VAT1L: variants seen among roughly 807,000 people sequenced by gnomAD.
VAT1L encodes the protein putative NADPH-dependent quinone oxidoreductase VAT1L.
A neutral mutation model predicts 44.1 loss-of-function variants in VAT1L; 34 were observed. The observed-to-expected ratio is 0.77, with a 90% CI of 0.59 to 1.03. The LOEUF (loss-of-function observed/expected upper bound fraction) is 1.03. Ranked by LOEUF, VAT1L falls within the 50% of genes least tolerant of loss-of-function variation. The pLI, the probability that VAT1L is intolerant of heterozygous loss-of-function variation, is 0.00. For missense variants in VAT1L, 615 were observed against 538.8 expected (o/e 1.14, Z -1.40); for synonymous variants, 253 against 202.2 (o/e 1.25, Z -2.13).
intron 3 of VAT1L, among the ~76,000 whole-genome samples, chr16:77,840,392 C>A (rs539586189): frequency 6.6e-6 from 1 of 152,176 alleles, no homozygotes; most frequent in Non-Finnish European, 1.5e-5. Flanking sequence ...TATGCTGGCC[C>A]AGCTGGTGGA....
intron 3 of VAT1L, among the ~76,000 whole-genome samples, chr16:77,851,169 C>G (rs140224311): frequency 6.6e-6 from 1 of 152,190 alleles, no homozygotes; most frequent in African/African-American, 2.4e-5. Flanking sequence ...GATACTAGCC[C>G]GTCTTTCTAA....
intron 7 of VAT1L, among the ~76,000 whole-genome samples, chr16:77,946,279 CTTTTT>C (rs66461822): frequency 0.18 from 12,953 of 70,518 alleles, 935 homozygotes; most frequent in Middle Eastern, 0.36. Flanking sequence ...GTTACTTGTT[CTTTTT>C]TTTTTTTTTT....
intron 7 of VAT1L, among the ~76,000 whole-genome samples, chr16:77,942,128 A>G (rs1863828142): frequency 6.6e-6 from 1 of 152,206 alleles, no homozygotes; most frequent in Non-Finnish European, 1.5e-5. Flanking sequence ...TAATTTACAA[A>G]GAAAAAAGAA....
At chr16:77,876,287 C>T (rs2017086152) in intron 4 of VAT1L, 83 bp from the exon 5 acceptor site, 1 of 1,236,888 alleles carries the variant, frequency 8.1e-7, no homozygotes, top group Admixed American at 1.7e-5. Flanking sequence ...GAGAGTCAGA[C>T]AATATGACAC....
chr16:77,830,816 T>C (rs1037494067), intron 3 of VAT1L, among the ~76,000 whole-genome samples: 3 of 152,222 alleles, frequency 2.0e-5, no homozygotes, highest in South Asian at 4.1e-4. Flanking sequence ...CCTGAGTAGC[T>C]GGGATTACAG....
chr16:77,963,029 T>C (rs1425625410), intron 7 of VAT1L, among the ~76,000 whole-genome samples: 1 of 152,202 alleles, frequency 6.6e-6, no homozygotes, highest in African/African-American at 2.4e-5. Context: ...TAGAGGGCGC[T>C]GGATCCTCAA....
chr16:77,790,744 AG>A (rs1174627359), intron 1 of VAT1L, among the ~76,000 whole-genome samples: 7 of 152,188 alleles, frequency 4.6e-5, no homozygotes, highest in Non-Finnish European at 1.5e-5. Flanking sequence ...GTACATATTC[AG>A]AGAGGGAAAA....
chr16:77,837,991 C>T (rs2016658870), intron 3 of VAT1L, among the ~76,000 whole-genome samples: 1 of 152,186 alleles, frequency 6.6e-6, no homozygotes, highest in South Asian at 2.1e-4. Context: ...GAGCGAGGGG[C>T]AAAGAAAGCC....
chr16:77,933,803 G>A (rs911925020), intron 7 of VAT1L, among the ~76,000 whole-genome samples: 4 of 152,160 alleles, frequency 2.6e-5, no homozygotes, highest in African/African-American at 7.2e-5. Context: ...AGGAAGTGAA[G>A]GGGACAACAG....
At chr16:77,967,240 A>G (rs2018232986) in intron 7 of VAT1L, among the ~76,000 whole-genome samples, 1 of 152,174 alleles carries the variant, frequency 6.6e-6, no homozygotes, top group Non-Finnish European at 1.5e-5. Flanking sequence ...CACCAGAGGC[A>G]AGAACCTTGG....
intron 6 of VAT1L, among the ~76,000 whole-genome samples, chr16:77,880,561 C>CTTT (rs1258221089): frequency 1.5e-5 from 1 of 66,520 alleles, no homozygotes; most frequent in East Asian, 4.3e-4. Context: ...GCCCATGTTG[C>CTTT]TTTTTTTTTT....
intron 7 of VAT1L, among the ~76,000 whole-genome samples, chr16:77,930,112 T>G (rs1381201132): frequency 6.6e-6 from 1 of 152,200 alleles, no homozygotes; most frequent in Non-Finnish European, 1.5e-5. Flanking sequence ...GTATCCTTCT[T>G]GAAACAAACC....
At chr16:77,827,142 A>T (rs1247913973) in intron 3 of VAT1L, among the ~76,000 whole-genome samples, 1 of 152,242 alleles carries the variant, frequency 6.6e-6, no homozygotes, top group African/African-American at 2.4e-5. Context: ...GAATAAAGAC[A>T]TATAAAAGCT....
At chr16:77,807,428 C>G (rs7196182) in intron 1 of VAT1L, among the ~76,000 whole-genome samples, 27,591 of 152,152 alleles carry the variant, frequency 0.18, 2,631 homozygotes, top group Admixed American at 0.23. Context: ...GGCCCAGTCC[C>G]CATGTCTTTG....
At chr16:77,862,655 G>A in intron 3 of VAT1L, 93 bp from the exon 4 acceptor site, 1 of 643,558 alleles carries the variant, frequency 1.6e-6, no homozygotes, top group Non-Finnish European at 2.4e-6. Flanking sequence ...AAAGTCAATA[G>A]TGCCGATGGA....
At chr16:77,973,793 T>G (rs979926838) in intron 8 of VAT1L, among the ~76,000 whole-genome samples, 1 of 151,942 alleles carries the variant, frequency 6.6e-6, no homozygotes, top group African/African-American at 2.4e-5. Context: ...TGGTGCGATC[T>G]TGGCTCACTG....
intron 3 of VAT1L, among the ~76,000 whole-genome samples, chr16:77,852,428 A>T (rs964329954): frequency 2.0e-5 from 3 of 152,192 alleles, no homozygotes; most frequent in Non-Finnish European, 2.9e-5. Context: ...AGCTGAGTTT[A>T]TGTGGGGAGT....
At chr16:77,869,340 C>T (rs1194652157) in intron 4 of VAT1L, among the ~76,000 whole-genome samples, 1 of 152,198 alleles carries the variant, frequency 6.6e-6, no homozygotes, top group Non-Finnish European at 1.5e-5. Context: ...GCCTGCATAA[C>T]AGGCCAGGGA....
intron 3 of VAT1L, among the ~76,000 whole-genome samples, chr16:77,856,725 A>C (rs1253759534): frequency 6.6e-6 from 1 of 152,094 alleles, no homozygotes; most frequent in African/African-American, 2.4e-5. Context: ...CTGGTTGAAA[A>C]TCTCTTCGCC....
Sources: allele counts gnomAD v4.1 joint callset (sites outside exome capture counted in the v4.1 genomes callset), GRCh38; gene constraint gnomAD v4.1.1; transcripts MANE v1.5; gene names NCBI Gene and HGNC (gene_info 2026-07-23, HGNC 2026-07-21).